Variants in SIK3 observed in about 807,000 individuals in gnomAD.
SIK3 encodes SIK family kinase 3.
SIK3 carries 28 observed loss-of-function variants against 144.2 expected under a neutral mutation model. The observed-to-expected ratio is 0.19, with a 90% CI of 0.14 to 0.27. SIK3 has a LOEUF of 0.27. Among genes scored for constraint, SIK3 ranks in the 10% least tolerant of loss-of-function variants. SIK3 has a pLI of 1.00. For missense variants in SIK3, 1,319 were observed against 1,776.0 expected (o/e 0.74, Z 4.62); for synonymous variants, 686 against 676.3 (o/e 1.01, Z -0.22).
In SIK3 at chr11:116,873,535, G is replaced by A. The variant is rs749645429; in HGVS notation, c.1683C>T (p.Ala561=). ...CCCGTGGGCGCTTCAGCAGCTGCTG[G>A]GCATGCAGTTGGATGTTGGCTCCTC... ...SDGGANIQLH[A]QQLLKRPRGP... The change falls in exon 13 of 25, where the codon GCC becomes GCT. Residue 561 remains alanine, a synonymous_variant. Transcript: ENST00000445177. 6.2e-7 allele frequency: 1 copy of A among 1,613,220 alleles called. No individual in the cohort carries two copies. Among genetic ancestry groups the A allele is most frequent in the Admixed American group, 1.7e-5 (1 of 59,772 alleles).
intron 1 of SIK3, among the ~76,000 whole-genome samples, chr11:116,959,259 G>A (rs1387391157): frequency 2.0e-5 from 3 of 152,250 alleles, no homozygotes; most frequent in South Asian, 2.1e-4. Context: ...GTTTGATCCC[G>A]GGAGCTGAAG....
chr11:116,871,854 G>T (rs1461882216), intron 13 of SIK3, among the ~76,000 whole-genome samples: 4 of 152,156 alleles, frequency 2.6e-5, no homozygotes, highest in African/African-American at 9.7e-5. Flanking sequence ...CAGAGTCATG[G>T]TAAGTTCATT....
At chr11:116,915,566 G>C (rs1358396913) in intron 4 of SIK3, among the ~76,000 whole-genome samples, 1 of 151,734 alleles carries the variant, frequency 6.6e-6, no homozygotes, top group African/African-American at 2.4e-5. Context: ...ATATAATATA[G>C]ATAGATAGAT....
chr11:116,862,969 G>T (rs1257793673), intron 16 of SIK3, among the ~76,000 whole-genome samples: 1 of 152,006 alleles, frequency 6.6e-6, no homozygotes, highest in Non-Finnish European at 1.5e-5. Context: ...AGCTACCCAG[G>T]ATGCTGAGGC....
intron 1 of SIK3, among the ~76,000 whole-genome samples, chr11:117,045,403 T>G (rs902293726): frequency 6.6e-6 from 1 of 152,216 alleles, no homozygotes; most frequent in African/African-American, 2.4e-5. Context: ...AGTTTCACTT[T>G]AGCTCCATAA....
At chr11:116,950,311 T>TA (rs949587688) in intron 3 of SIK3, 22 of 349,402 alleles carry the variant, frequency 6.3e-5, no homozygotes, top group African/African-American at 3.8e-4. Context: ...AAGTGACAAA[T>TA]AAAAATTACA....
intron 1 of SIK3, among the ~76,000 whole-genome samples, chr11:117,067,784 C>G (rs1238595350): frequency 6.7e-6 from 1 of 149,156 alleles, no homozygotes; most frequent in Non-Finnish European, 1.5e-5. Context: ...GTCAGGAGTT[C>G]GAAACCAGCC....
intron 6 of SIK3, among the ~76,000 whole-genome samples, chr11:116,881,582 A>ATTT (rs1944553821): frequency 6.6e-6 from 1 of 152,148 alleles, no homozygotes; most frequent in Admixed American, 6.5e-5. Flanking sequence ...AATTTCTCTA[A>ATTT]GTGGTTACAA....
intron 13 of SIK3, 87 bp downstream of exon 13, chr11:116,873,394 G>A: frequency 1.9e-6 from 3 of 1,567,824 alleles, no homozygotes; most frequent in Admixed American, 1.7e-5. Context: ...AGACATGTAG[G>A]TTGGCCCTGG....
chr11:116,989,144 T>G (rs909867479), intron 1 of SIK3, among the ~76,000 whole-genome samples: 2 of 151,696 alleles, frequency 1.3e-5, no homozygotes, highest in Non-Finnish European at 2.9e-5. Flanking sequence ...GTTTAAACTT[T>G]AAATGCAGCT....
At chr11:117,022,872 T>C (rs139663973) in intron 1 of SIK3, among the ~76,000 whole-genome samples, 2,195 of 152,126 alleles carry the variant, frequency 0.014, 22 homozygotes, top group Middle Eastern at 0.065. Flanking sequence ...GTAACTAATA[T>C]TGTAAGTGAA....
At chr11:116,862,739 A>C (rs751041620) in intron 16 of SIK3, among the ~76,000 whole-genome samples, 4 of 152,114 alleles carry the variant, frequency 2.6e-5, no homozygotes, top group East Asian at 3.9e-4. Context: ...GGTGGTAACA[A>C]TGTACAGCAG....
At chr11:117,090,537 C>A (rs1287864661) in intron 1 of SIK3, among the ~76,000 whole-genome samples, 1 of 152,148 alleles carries the variant, frequency 6.6e-6, no homozygotes, top group African/African-American at 2.4e-5. Flanking sequence ...AAGTGAGGAG[C>A]CCATCTAAGA....
At chr11:116,881,240 AT>A (rs1944531209) in intron 6 of SIK3, among the ~76,000 whole-genome samples, 1 of 151,984 alleles carries the variant, frequency 6.6e-6, no homozygotes, top group South Asian at 2.1e-4. Context: ...ACTTTGGGCA[AT>A]GCAAGAATAT....
intron 1 of SIK3, among the ~76,000 whole-genome samples, chr11:117,075,532 G>A (rs1238235392): frequency 6.8e-6 from 1 of 147,840 alleles, no homozygotes; most frequent in Non-Finnish European, 1.5e-5. Flanking sequence ...CTATGTTATT[G>A]ATTATTTTTT....
At chr11:117,022,710 G>C (rs1202089387) in intron 1 of SIK3, among the ~76,000 whole-genome samples, 1 of 152,058 alleles carries the variant, frequency 6.6e-6, no homozygotes, top group Non-Finnish European at 1.5e-5. Context: ...CTCTGAGACG[G>C]GTTAAGAGAA....
intron 1 of SIK3, among the ~76,000 whole-genome samples, chr11:117,058,689 G>A (rs775924568): frequency 6.6e-6 from 1 of 152,174 alleles, no homozygotes; most frequent in African/African-American, 2.4e-5. Context: ...GAAAGATTTA[G>A]AAAGAACTGT....
rs1224675206 is a variant in SIK3, at chr11:116,868,041, A to G, written c.1857T>C (p.Pro619=). The G allele has an allele frequency of 1.3e-6, 2 of 1,550,474 alleles. No homozygotes were observed. Among genetic ancestry groups the G allele is most frequent in the Admixed American group, 3.9e-5 (2 of 50,976 alleles). Residue 619 remains proline (P), a synonymous_variant, in exon 15 of 25, where the codon CCT becomes CCC. Coordinates refer to ENST00000445177, the MANE Select transcript of SIK3 (RefSeq NM_001366686.3). ...SKRHTLAMTN[P]TAEIPPDLQR... ...GTAGGTCCGGTGGGATCTCAGCTGT[A>G]GGGTTGGTCATGGCCAGTGTATGTC...
intron 1 of SIK3, among the ~76,000 whole-genome samples, chr11:117,091,971 T>C (rs1955267512): frequency 6.6e-6 from 1 of 152,032 alleles, no homozygotes; most frequent in Admixed American, 6.6e-5. Flanking sequence ...TTTGTAGAGA[T>C]GGGATCTCAC....
Sources: allele counts gnomAD v4.1 joint callset (sites outside exome capture counted in the v4.1 genomes callset), GRCh38; gene constraint gnomAD v4.1.1; transcripts MANE v1.5; gene names NCBI Gene and HGNC (gene_info 2026-07-23, HGNC 2026-07-21).